FAM200C: variants seen among roughly 807,000 people sequenced by gnomAD.
chr5:160,395,325 C>T, the FAM200C span: 2 of 1,614,186 alleles, frequency 1.2e-6, no homozygotes, highest in Non-Finnish European at 1.7e-6. Context: ...GCTACACCAC[C>T]ATGCTGTCTG....
the FAM200C span, among the ~76,000 whole-genome samples, chr5:160,398,066 ACT>A: frequency 6.6e-6 from 1 of 152,092 alleles, no homozygotes; most frequent in Non-Finnish European, 1.5e-5. Flanking sequence ...ACATAGTGAA[ACT>A]CTGTCTCTAC....
At chr5:160,396,698 G>GGAA in the FAM200C span, among the ~76,000 whole-genome samples, 2 of 48,400 alleles carry the variant, frequency 4.1e-5, no homozygotes, top group African/African-American at 1.4e-4. Context: ...AGTCTCTGTG[G>GGAA]AAAAAAAAAA....
chr5:160,395,548 G>A, the FAM200C span: 3 of 1,424,516 alleles, frequency 2.1e-6, no homozygotes, highest in South Asian at 1.2e-5. Flanking sequence ...TGCTTTGGGA[G>A]TAAAATATAA....
At chr5:160,398,601 C>T in the FAM200C span, among the ~76,000 whole-genome samples, 1 of 152,198 alleles carries the variant, frequency 6.6e-6, no homozygotes, top group Admixed American at 6.5e-5. Flanking sequence ...TCCACCTTGA[C>T]TATGTCTCTC....
the FAM200C span, among the ~76,000 whole-genome samples, chr5:160,398,272 G>A: frequency 6.6e-5 from 10 of 151,976 alleles, no homozygotes; most frequent in African/African-American, 2.4e-4. Flanking sequence ...AAAAAAGGCT[G>A]GGTACGGTGG....
At chr5:160,393,545 T>G in the FAM200C span, 5 of 634,124 alleles carry the variant, frequency 7.9e-6, no homozygotes, top group Admixed American at 3.1e-5. Flanking sequence ...TGCTGTGTTT[T>G]TATTCTCAAA....
At chr5:160,394,748 A>T in the FAM200C span, 1,021 of 1,614,190 alleles carry the variant, frequency 6.3e-4, 5 homozygotes, top group African/African-American at 0.011. Context: ...TTCTCCTAGC[A>T]TAGAGGAGGC....
chr5:160,395,550 A>G, the FAM200C span: 4 of 1,379,602 alleles, frequency 2.9e-6, no homozygotes, highest in South Asian at 4.7e-5. Flanking sequence ...CTTTGGGAGT[A>G]AAATATAACC....
chr5:160,393,972 C>G, the FAM200C span: 1 of 1,613,874 alleles, frequency 6.2e-7, no homozygotes, highest in African/African-American at 1.3e-5. Context: ...GTCTCAAATT[C>G]CATTAGGATT....
chr5:160,394,133 T>G, the FAM200C span: 8 of 1,613,494 alleles, frequency 5.0e-6, no homozygotes, highest in Non-Finnish European at 6.8e-6. Context: ...GTTGCTCAAT[T>G]GTTGCAGATG....
At chr5:160,396,578 C>T in the FAM200C span, among the ~76,000 whole-genome samples, 1 of 151,738 alleles carries the variant, frequency 6.6e-6, no homozygotes, top group Admixed American at 6.6e-5. Flanking sequence ...TGGTGAAACC[C>T]CATCTCTACT....
At chr5:160,393,700 A>G in the FAM200C span, 3 of 1,524,180 alleles carry the variant, frequency 2.0e-6, no homozygotes, top group South Asian at 3.7e-5. Context: ...AAAAAAGTAT[A>G]TCAGCTTACA....
the FAM200C span, among the ~76,000 whole-genome samples, chr5:160,396,371 T>C: frequency 1.3e-5 from 2 of 152,204 alleles, no homozygotes; most frequent in African/African-American, 4.8e-5. Flanking sequence ...CCACCCCTGA[T>C]GCAAAGGTAG....
chr5:160,395,644 G>C, the FAM200C span: 10 of 670,906 alleles, frequency 1.5e-5, no homozygotes, highest in Non-Finnish European at 2.6e-5. Flanking sequence ...ACAGCCTGCA[G>C]CATGTCAATT....
At chr5:160,395,668 G>C in the FAM200C span, 1 of 621,264 alleles carries the variant, frequency 1.6e-6, no homozygotes, top group East Asian at 2.7e-5. Flanking sequence ...AGTAAGCCAT[G>C]ACAGGATATA....
chr5:160,397,042 G>T, the FAM200C span, among the ~76,000 whole-genome samples: 1 of 152,182 alleles, frequency 6.6e-6, no homozygotes. Context: ...CTAGAACAGT[G>T]ATCTGTGACA....
chr5:160,399,008 C>G, the FAM200C span, among the ~76,000 whole-genome samples: 1 of 152,088 alleles, frequency 6.6e-6, no homozygotes, highest in Non-Finnish European at 1.5e-5. Context: ...ATGCACAAAG[C>G]GGGGTGGAGA....
chr5:160,393,610 G>C, the FAM200C span: 2 of 913,080 alleles, frequency 2.2e-6, no homozygotes, highest in East Asian at 2.7e-5. Context: ...TTTAGACATA[G>C]AATTCAGTAT....
At chr5:160,394,486 G>A in the FAM200C span, 14 of 1,613,908 alleles carry the variant, frequency 8.7e-6, no homozygotes, top group Non-Finnish European at 1.2e-5. Context: ...TTTGGCCTCG[G>A]GAAAGCCACC....
Sources: gnomAD v4.1 joint callset for allele counts (sites outside exome capture counted in the v4.1 genomes callset) on GRCh38, gnomAD v4.1.1 for gene constraint, MANE v1.5 for transcripts.